TIMP3: variants seen among roughly 807,000 people sequenced by gnomAD.
The protein encoded by TIMP3 is metalloproteinase inhibitor 3.
A neutral mutation model predicts 30.0 loss-of-function variants in TIMP3; 11 were observed. The ratio of observed to expected loss-of-function variants is 0.37; its 90% CI spans 0.23 to 0.61. The LOEUF (loss-of-function observed/expected upper bound fraction) is 0.61, where lower values mean the gene tolerates loss of function less well. TIMP3 is among the 20% of genes least tolerant of loss of function. The probability of loss-of-function intolerance (pLI) is 0.70; values close to 1 mark genes in which losing one functional copy is unlikely to be tolerated. For synonymous variants in TIMP3, 112 were observed against 111.3 expected (o/e 1.01, Z -0.04); for missense variants, 181 against 276.8 (o/e 0.65, Z 2.45).
In TIMP3 at chr22:32,837,165, C is replaced by G. The variant is rs2047756057; in HGVS notation, c.122-12287C>G. ...CTTCAAAAATGCCCCGACCTGAAAG[C>G]TGGAAGTTCTGAGAACCGTTTGAGG... On this transcript the variant is annotated intron_variant, in intron 1 of 4. Coordinates refer to ENST00000266085, the MANE Select transcript of TIMP3 (RefSeq NM_000362.5). This position sits in a 1 kb window ranked among gnomAD's most constrained non-coding sequence, Gnocchi z 4.1. Among the ~76,000 whole-genome samples, 1 of 152,214 alleles carries G rather than the reference C, an allele frequency of 6.6e-6. No individual in the cohort carries two copies.
chr22:32,829,122 T>A (rs1333125863), intron 1 of TIMP3, among the ~76,000 whole-genome samples: 1 of 152,186 alleles, frequency 6.6e-6, no homozygotes, highest in Non-Finnish European at 1.5e-5. Flanking sequence ...CGGGCAGAGA[T>A]GAAAGAGGAA....
chr22:32,848,536 G>A (rs190009314), intron 1 of TIMP3, among the ~76,000 whole-genome samples: 2 of 152,180 alleles, frequency 1.3e-5, no homozygotes, highest in East Asian at 3.9e-4. Flanking sequence ...GCAATAAATG[G>A]GAGCTGTTTT....
At chr22:32,812,101 G>T in intron 1 of TIMP3, among the ~76,000 whole-genome samples, 1 of 152,258 alleles carries the variant, frequency 6.6e-6, no homozygotes, top group African/African-American at 2.4e-5. Context: ...CCTGGGTTTG[G>T]TCTCTTATCT....
chr22:32,834,380 C>T (rs1827370143), intron 1 of TIMP3, among the ~76,000 whole-genome samples: 2 of 151,820 alleles, frequency 1.3e-5, no homozygotes, highest in Non-Finnish European at 2.9e-5. Flanking sequence ...CCAGGCTGGT[C>T]TCAAACTCCT....
intron 1 of TIMP3, among the ~76,000 whole-genome samples, chr22:32,838,194 A>G (rs755107357): frequency 5.9e-5 from 9 of 152,206 alleles, no homozygotes; most frequent in Non-Finnish European, 1.0e-4. Flanking sequence ...TAGTTCCTCA[A>G]ATACTTCTGA....
Position 32,801,920 on chromosome 22 carries a change from G to C in TIMP3, c.-82G>C, listed in dbSNP as rs1199548714. The C allele has an allele frequency of 6.7e-7, 1 of 1,486,864 alleles. No individual in the cohort carries two copies. The highest frequency in any genetic ancestry group is 8.9e-7 in the Non-Finnish European group (1 of 1,124,208). 92.1% of individuals were successfully genotyped at this position (1,486,864 alleles called of 1,614,324 possible). ...ACGGCCCGGCGGGCGAGCGAGCTCG[G>C]GCTGCAGCAGCCCCGCCGGCGGCGC... is the stretch of plus-strand genomic sequence containing the variant. On this transcript the variant is annotated 5_prime_UTR_variant, in exon 1 of 5. Transcript: ENST00000266085. This position sits in a 1 kb window ranked among gnomAD's most constrained non-coding sequence, Gnocchi z 4.7.
intron 1 of TIMP3, among the ~76,000 whole-genome samples, chr22:32,804,758 T>C (rs766750145): frequency 1.3e-5 from 2 of 152,118 alleles, no homozygotes; most frequent in Non-Finnish European, 2.9e-5. Flanking sequence ...TGGAAGTGTT[T>C]AGGAGAAGAA....
chr22:32,810,276 A>G (rs2046881783), intron 1 of TIMP3, among the ~76,000 whole-genome samples: 1 of 152,134 alleles, frequency 6.6e-6, no homozygotes, highest in African/African-American at 2.4e-5. Flanking sequence ...TGTGGCTAGG[A>G]TGGCTTTGCT....
chr22:32,831,488 C>T (rs2146129413), intron 1 of TIMP3, among the ~76,000 whole-genome samples: 1 of 152,280 alleles, frequency 6.6e-6, no homozygotes, highest in African/African-American at 2.4e-5. Context: ...TGCACATCTC[C>T]ACTTGATATG....
chr22:32,842,372 C>T (rs2047934976), intron 1 of TIMP3, among the ~76,000 whole-genome samples: 1 of 152,082 alleles, frequency 6.6e-6, no homozygotes, highest in African/African-American at 2.4e-5. Context: ...CCCTTAGTTC[C>T]GAAGGCCCTT....
At chr22:32,836,554 C>T (rs1012405395) in intron 1 of TIMP3, among the ~76,000 whole-genome samples, 2 of 152,134 alleles carry the variant, frequency 1.3e-5, no homozygotes, top group Non-Finnish European at 2.9e-5. Context: ...ATCATTCCTC[C>T]GCACCTTCAG....
rs1361772809 is a variant in TIMP3 at position 32,859,662 on chromosome 22, T to C, written c.*285T>C. On this transcript the variant is annotated 3_prime_UTR_variant, in exon 5 of 5. Coordinates refer to ENST00000266085, the MANE Select transcript of TIMP3 (RefSeq NM_000362.5). ...GAACCTGTATTCCTCTTCTTCGTGA[T>C]AATATAATCTCTATTTTTTTAGGAA... 12 of 436,322 alleles carry C rather than the reference T, an allele frequency of 2.8e-5. No individual in the cohort carries two copies. Among genetic ancestry groups the C allele is most frequent in the Middle Eastern group, 1.2e-3 (2 of 1,670 alleles). 27.0% of individuals were successfully genotyped at this position (436,322 alleles called of 1,614,324 possible).
chr22:32,838,314 C>T (rs2047796009), intron 1 of TIMP3, among the ~76,000 whole-genome samples: 1 of 152,098 alleles, frequency 6.6e-6, no homozygotes, highest in Non-Finnish European at 1.5e-5. Context: ...GGACACAGGA[C>T]CTGGAGATGG....
intron 1 of TIMP3, among the ~76,000 whole-genome samples, chr22:32,804,289 G>C (rs1051579215): frequency 2.6e-5 from 4 of 152,090 alleles, no homozygotes; most frequent in Non-Finnish European, 5.9e-5. Flanking sequence ...CTTGCCTGCC[G>C]ACCTCCCTCG....
intron 1 of TIMP3, among the ~76,000 whole-genome samples, chr22:32,812,314 G>A (rs2046936815): frequency 6.6e-6 from 1 of 152,154 alleles, no homozygotes; most frequent in African/African-American, 2.4e-5. Flanking sequence ...GGATTTCTGT[G>A]GTTGCAAAAG....
Position 32,859,240 on chromosome 22 carries a change from G to A in TIMP3, c.499G>A (p.Asp167Asn), listed in dbSNP as rs1042630476. The A allele has an allele frequency of 6.2e-7, 1 of 1,614,140 alleles. No homozygotes were observed. Among genetic ancestry groups the A allele is most frequent in the East Asian group, 2.2e-5 (1 of 44,874 alleles). The change falls in exon 5 of 5, where the codon GAC becomes AAC. Residue 167 changes from aspartate (D) to asparagine (N), a missense_variant. This residue lies in a region of TIMP3 where 47 missense variants were observed against 63.8 expected (regional missense o/e 0.74). Coordinates refer to ENST00000266085, the MANE Select transcript of TIMP3 (RefSeq NM_000362.5). ...VTSKNECLWT[D>N]MLSNFGYPGY... Reference sequence around the variant, plus strand: ...TTCCAAGAACGAGTGTCTCTGGACCGACATGCTCTCCAATTTCGGTTACCC... The same window carrying A: ...TTCCAAGAACGAGTGTCTCTGGACCAACATGCTCTCCAATTTCGGTTACCC...
chr22:32,814,197 GAAAGAAAGA>G (rs2146011223), intron 1 of TIMP3, among the ~76,000 whole-genome samples: 1 of 110,626 alleles, frequency 9.0e-6, no homozygotes, highest in African/African-American at 3.4e-5. Flanking sequence ...AAGAAAGAAA[GAAAGAAAGA>G]AAACAAAGAA....
At chr22:32,824,896 A>G (rs2146086876) in intron 1 of TIMP3, among the ~76,000 whole-genome samples, 1 of 152,322 alleles carries the variant, frequency 6.6e-6, no homozygotes, top group East Asian at 1.9e-4. Context: ...TTTATAAGAA[A>G]AGGAGCACAC....
intron 1 of TIMP3, among the ~76,000 whole-genome samples, chr22:32,805,387 C>T (rs1030929103): frequency 6.6e-6 from 1 of 152,194 alleles, no homozygotes; most frequent in African/African-American, 2.4e-5. Flanking sequence ...GATCCATCCC[C>T]TCTCCCTCTT....
Sources: allele counts gnomAD v4.1 joint callset (sites outside exome capture counted in the v4.1 genomes callset), GRCh38; gene constraint gnomAD v4.1.1; regional missense constraint gnomAD v4.1.1; non-coding constraint Gnocchi (gnomAD v3.1); transcripts MANE v1.5; gene names NCBI Gene and HGNC (gene_info 2026-07-23, HGNC 2026-07-21).